Variants in RUSC2 observed in about 807,000 individuals in gnomAD.
RUSC2 encodes the protein AP-4 complex accessory subunit RUSC2.
A neutral mutation model predicts 122.2 loss-of-function variants in RUSC2; 34 were observed. The ratio of observed to expected loss-of-function variants is 0.28; its 90% CI spans 0.21 to 0.37. The LOEUF (loss-of-function observed/expected upper bound fraction) is 0.37, where lower values mean the gene tolerates loss of function less well. RUSC2 is among the 10% of genes least tolerant of loss of function. The pLI, the probability that RUSC2 is intolerant of heterozygous loss-of-function variation, is 1.00. For synonymous variants in RUSC2, 784 were observed against 790.0 expected (o/e 0.99, Z 0.13); for missense variants, 1,747 against 1,952.4 (o/e 0.89, Z 1.98).
chr9:35,549,583 G>A (rs912811816), intron 2 of RUSC2, among the ~76,000 whole-genome samples: 2 of 152,200 alleles, frequency 1.3e-5, no homozygotes, highest in African/African-American at 4.8e-5. Flanking sequence ...TGAAACGTCA[G>A]GGAGGAACTG....
Position 35,546,824 on chromosome 9 carries a change from C to T in RUSC2, c.303C>T (p.Asn101=), listed in dbSNP as rs1451001996. The change falls in exon 2 of 12, where the codon AAC becomes AAT. Residue 101 remains asparagine, a synonymous_variant. Coordinates refer to ENST00000361226, the MANE Select transcript of RUSC2 (RefSeq NM_014806.5). The surrounding 1 kb of genome is among the most constrained non-coding windows in gnomAD (Gnocchi z 4.3). ...GRGPGAPKRH[N]PFLLQEGVGE... is the part of the protein sequence containing the mutation. ...GCCCTGGAGCCCCCAAACGACACAA[C>T]CCCTTCTTGCTGCAGGAGGGTGTGG... The T allele has an allele frequency of 4.3e-6, 7 of 1,611,826 alleles. No individual in the cohort carries two copies. The highest frequency in any genetic ancestry group is 1.7e-4 in the Middle Eastern group (1 of 6,058).
intron 1 of RUSC2, among the ~76,000 whole-genome samples, chr9:35,505,816 C>T (rs1034048073): frequency 6.6e-6 from 1 of 152,114 alleles, no homozygotes; most frequent in Non-Finnish European, 1.5e-5. Context: ...TAAAAACACT[C>T]AACTAGGAAT....
At chr9:35,554,750 A>C (rs1474968552) in intron 2 of RUSC2, among the ~76,000 whole-genome samples, 1 of 25,630 alleles carries the variant, frequency 3.9e-5, no homozygotes, top group Non-Finnish European at 1.5e-4. Context: ...TCTGAACTCA[A>C]AACTTCTCAA....
In RUSC2 at chr9:35,561,565, T is replaced by A. The variant is rs974810221; in HGVS notation, c.*183T>A. The stretch of plus-strand genomic sequence containing the variant: ...CGCCCCCTTAACTGTCCCAGTGACC[T>A]TGTCCAGACCTCCACCCAGGAGAGG... On this transcript the variant is annotated 3_prime_UTR_variant, in exon 12 of 12. Transcript: ENST00000361226. 3 of 609,312 alleles carry A rather than the reference T, an allele frequency of 4.9e-6. No homozygotes were observed. The highest frequency in any genetic ancestry group is 3.0e-5 in the Admixed American group (1 of 33,198). The allele number at this position is 609,312 out of a possible 1,614,324, so 37.7% of individuals were successfully genotyped here.
At position 35,553,192 on chromosome 9, in the gene RUSC2, G is replaced by A. The variant is rs76371434; in HGVS notation, c.2015-1868G>A. On this transcript the variant is annotated intron_variant, in intron 2 of 11. Coordinates refer to ENST00000361226, the MANE Select transcript of RUSC2 (RefSeq NM_014806.5). ...TGAAGGGAGAGCAGCCTAGCTCGTA[G>A]CAGGTGTGGGCAACTAGCTCACTGA... 8.9e-3 allele frequency among the ~76,000 whole-genome samples: 1,354 copies of A among 152,292 alleles called. 21 individuals carry two copies. Among genetic ancestry groups the A allele is most frequent in the African/African-American group, 0.031 (1,294 of 41,548 alleles).
intron 1 of RUSC2, among the ~76,000 whole-genome samples, chr9:35,495,820 T>G (rs1820701797): frequency 6.6e-6 from 1 of 152,182 alleles, no homozygotes; most frequent in Non-Finnish European, 1.5e-5. Context: ...TGTTTTTTCA[T>G]TTATTTATGT....
intron 1 of RUSC2, among the ~76,000 whole-genome samples, chr9:35,502,447 G>T (rs574783736): frequency 1.2e-4 from 18 of 152,312 alleles, no homozygotes; most frequent in African/African-American, 4.3e-4. Flanking sequence ...GGATTGTGAA[G>T]AAGAGTTCTA....
chr9:35,536,229 AGTT>A (rs1821524840), intron 1 of RUSC2, among the ~76,000 whole-genome samples: 1 of 152,230 alleles, frequency 6.6e-6, no homozygotes, highest in African/African-American at 2.4e-5. Flanking sequence ...CAATATAAGA[AGTT>A]GGCAATCCAA....
intron 1 of RUSC2, among the ~76,000 whole-genome samples, chr9:35,498,584 C>A (rs1383630258): frequency 6.6e-6 from 1 of 151,346 alleles, no homozygotes; most frequent in Non-Finnish European, 1.5e-5. Context: ...AGAGGCCAGG[C>A]GCGGTGGCTC....
At chr9:35,496,898 G>A (rs7040507) in intron 1 of RUSC2, among the ~76,000 whole-genome samples, 1 of 152,128 alleles carries the variant, frequency 6.6e-6, no homozygotes, top group African/African-American at 2.4e-5. Context: ...CCTAGAGGAC[G>A]CTAAGGTTAA....
rs1331291912 is a variant in RUSC2 at position 35,561,248 on chromosome 9, A to T, written c.4417A>T (p.Ile1473Phe). 1 of 1,614,180 alleles carries T rather than the reference A, an allele frequency of 6.2e-7. No individual in the cohort carries two copies. Among genetic ancestry groups the T allele is most frequent in the Admixed American group, 1.7e-5 (1 of 60,024 alleles). Reference sequence around the variant, plus strand: ...ACAGCTGAGCTTCCACAAAGGAGACATCCTACGAGTGCTGGGGCGAGCTGG... The same window carrying T: ...ACAGCTGAGCTTCCACAAAGGAGACTTCCTACGAGTGCTGGGGCGAGCTGG... Reference protein sequence around the residue: ...PGQLSFHKGDILRVLGRAGGD... With the variant: ...PGQLSFHKGDFLRVLGRAGGD... Residue 1473 changes from isoleucine to phenylalanine, a missense_variant, in exon 12 of 12, where the codon ATC becomes TTC. Ile to Phe is a conservative substitution (Grantham distance 21). Transcript: ENST00000361226.
At chr9:35,531,800 C>T (rs566371400) in intron 1 of RUSC2, among the ~76,000 whole-genome samples, 16 of 152,192 alleles carry the variant, frequency 1.1e-4, no homozygotes, top group African/African-American at 2.9e-4. Context: ...CCAAGGCAGG[C>T]GGATCACGAG....
chr9:35,548,390 G>A lies in RUSC2; in HGVS notation c.1869G>A (p.Gln623=). 6.2e-7 allele frequency: 1 copy of A among 1,614,062 alleles called. No individual in the cohort carries two copies. The highest frequency in any genetic ancestry group is 2.2e-5 in the East Asian group (1 of 44,888). ...CACCCTGGTCCACCCAGGTCTGTCA[G>A]GGACCCCACTCCAGTGAGATGCCTC... ...PSPPWSTQVC[Q]GPHSSEMPPA... The change falls in exon 2 of 12, where the codon CAG becomes CAA. Residue 623 remains glutamine, a synonymous_variant. Coordinates refer to ENST00000361226, the MANE Select transcript of RUSC2 (RefSeq NM_014806.5). This position sits in a 1 kb window ranked among gnomAD's most constrained non-coding sequence, Gnocchi z 4.5.
Position 35,560,040 on chromosome 9 carries a change from A to G in RUSC2, c.3400A>G (p.Thr1134Ala), listed in dbSNP as rs1178228395. The change falls in exon 10 of 12, where the codon ACC (threonine) becomes GCC (alanine). Residue 1134 changes from threonine (T) to alanine (A), a missense_variant. Thr to Ala is a moderately conservative substitution (Grantham distance 58). Coordinates refer to ENST00000361226, the MANE Select transcript of RUSC2 (RefSeq NM_014806.5). ...HLYNHEDIIQTHYQPWGFLSA... is the reference protein window; with the variant it reads ...HLYNHEDIIQAHYQPWGFLSA... ...CTCTTTTCCCCTAGACATCATCCAGACCCACTACCAGCCCTGGGGCTTCCT... is the reference window on the plus strand; with the variant it reads ...CTCTTTTCCCCTAGACATCATCCAGGCCCACTACCAGCCCTGGGGCTTCCT... The G allele has an allele frequency of 6.3e-7, 1 of 1,597,806 alleles. No homozygotes were observed.
intron 1 of RUSC2, among the ~76,000 whole-genome samples, chr9:35,519,621 T>C (rs1821174780): frequency 6.6e-6 from 1 of 152,162 alleles, no homozygotes. Context: ...TTCCATTTCC[T>C]TTGGCTCTTT....
At chr9:35,516,754 C>A (rs1418506874) in intron 1 of RUSC2, among the ~76,000 whole-genome samples, 1 of 152,144 alleles carries the variant, frequency 6.6e-6, no homozygotes, top group Non-Finnish European at 1.5e-5. Flanking sequence ...ACAGACCTTG[C>A]ATAGAGAGGC....
chr9:35,538,161 G>T (rs893359342), intron 1 of RUSC2, among the ~76,000 whole-genome samples: 1 of 152,186 alleles, frequency 6.6e-6, no homozygotes, highest in Non-Finnish European at 1.5e-5. Flanking sequence ...ACCCAGCTGA[G>T]CACTGACCGA....
At chr9:35,508,067 C>G (rs1820948810) in intron 1 of RUSC2, among the ~76,000 whole-genome samples, 1 of 152,184 alleles carries the variant, frequency 6.6e-6, no homozygotes, top group South Asian at 2.1e-4. Flanking sequence ...CTACCTCTCA[C>G]CCTCCCTGTT....
In RUSC2 at chr9:35,553,030, C is replaced by G. The variant is rs1415803387; in HGVS notation, c.2015-2030C>G. Reference sequence around the variant, plus strand: ...TGGTTGGGATGACCTAATCCGATAGCCAGAGTCAGCTCAGCCTTGAAAACT... The same window carrying G: ...TGGTTGGGATGACCTAATCCGATAGGCAGAGTCAGCTCAGCCTTGAAAACT... On this transcript the variant is annotated intron_variant, in intron 2 of 11. Transcript: ENST00000361226. Among the ~76,000 whole-genome samples, 19 of 152,098 alleles carry G rather than the reference C, an allele frequency of 1.2e-4. 1 individual carries two copies.
Sources: gnomAD v4.1 joint callset for allele counts (sites outside exome capture counted in the v4.1 genomes callset) on GRCh38, gnomAD v4.1.1 for gene constraint, Gnocchi (gnomAD v3.1) non-coding constraint, MANE v1.5 for transcripts, NCBI Gene and HGNC (gene_info 2026-07-23, HGNC 2026-07-21) for gene names.